PDE4A: variants seen among roughly 807,000 people sequenced by gnomAD.
PDE4A encodes 3',5'-cyclic-AMP phosphodiesterase 4A.
A neutral mutation model predicts 73.9 loss-of-function variants in PDE4A; 21 were observed. The observed-to-expected ratio is 0.28, with a 90% CI of 0.20 to 0.41. PDE4A has a LOEUF of 0.41. PDE4A is among the 10% of genes least tolerant of loss of function. The pLI is 1.00. For synonymous variants in PDE4A, 463 were observed against 505.4 expected (o/e 0.92, Z 1.13); for missense variants, 958 against 1,211.4 (o/e 0.79, Z 3.10).
upstream of PDE4A, chr19:10,419,126 C>T: frequency 1.1e-6 from 1 of 950,980 alleles, no homozygotes; most frequent in Non-Finnish European, 1.2e-6. Flanking sequence ...CAAACGGCAT[C>T]GCGTGCCCTG....
Position 10,446,234 on chromosome 19 carries a change from G to A in PDE4A, c.337G>A (p.Gly113Arg), listed in dbSNP as rs1188270633. 3.2e-6 allele frequency: 5 copies of A among 1,578,112 alleles called. No homozygotes were observed. The highest frequency in any genetic ancestry group is 1.2e-5 in the South Asian group (1 of 86,930). The change falls in exon 2 of 15, where the codon GGG (glycine) becomes AGG (arginine). Residue 113 changes from glycine (G) to arginine (R), a missense_variant. This residue lies in a region of PDE4A where 570 missense variants were observed against 827.7 expected (regional missense o/e 0.69). Coordinates refer to ENST00000380702, the MANE Select transcript of PDE4A (RefSeq NM_001111307.2). ...GSSRRFEAEN[G>R]PTPSPGRSPL... Reference sequence around the variant, plus strand: ...CCCCTGCAGCTTCGAGGCAGAGAATGGGCCGACACCATCTCCTGGCCGCAG... The same window carrying A: ...CCCCTGCAGCTTCGAGGCAGAGAATAGGCCGACACCATCTCCTGGCCGCAG...
chr19:10,451,023 A>G (rs1327178073), intron 6 of PDE4A, 82 bp downstream of exon 6: 13 of 1,352,960 alleles, frequency 9.6e-6, no homozygotes, highest in Admixed American at 6.0e-5. Flanking sequence ...GGATGGGACC[A>G]GTGGGCGCGG....
chr19:10,432,176 C>CGGGGGGGGGGGGGGGGG (rs568009200), intron 1 of PDE4A, among the ~76,000 whole-genome samples: 1 of 17,328 alleles, frequency 5.8e-5, no homozygotes, highest in African/African-American at 8.3e-5. Flanking sequence ...AGGGAGGAGA[C>CGGGGGGGGGGGGGGGGG]GGGGGGGGGG....
chr19:10,428,222 G>A (rs1413686808), intron 1 of PDE4A, among the ~76,000 whole-genome samples: 1 of 152,060 alleles, frequency 6.6e-6, no homozygotes, highest in African/African-American at 2.4e-5. Flanking sequence ...GCATGGTGGC[G>A]CACATGCTAC....
rs1599461747 is a variant in PDE4A, at chr19:10,464,861, C to T, written c.1926+886C>T. On this transcript the variant is annotated intron_variant, in intron 14 of 14. Coordinates refer to ENST00000380702, the MANE Select transcript of PDE4A (RefSeq NM_001111307.2). ...CCTCCAGAGTGGCTGGGACTATAGG[C>T]GTGCACCACCACACTCGGCTAATTT... Among the ~76,000 whole-genome samples the T allele has an allele frequency of 2.0e-5, 3 of 151,582 alleles. 1 individual carries two copies. Among genetic ancestry groups the T allele is most frequent in the Non-Finnish European group, 4.4e-5 (3 of 67,920 alleles).
rs769545330 is a variant in PDE4A, at chr19:10,461,636, A to G, written c.1576A>G (p.Ser526Gly). ...CAACTGCGACATCTTCCAGAACCTC[A>G]GCAAGCGCCAGCGGCAGAGCCTACG... is the stretch of plus-strand genomic sequence containing the variant. ...EDNCDIFQNL[S>G]KRQRQSLRKM... Residue 526 changes from serine to glycine, a missense_variant, in exon 12 of 15, where the codon AGC (serine) becomes GGC (glycine). Physicochemically the swap from Ser to Gly is moderately conservative, Grantham distance 56. Transcript: ENST00000380702. 1 of 1,506,026 alleles carries G rather than the reference A, an allele frequency of 6.6e-7. No individual in the cohort carries two copies. The highest frequency in any genetic ancestry group is 9.0e-7 in the Non-Finnish European group (1 of 1,114,038). The allele number at this position is 1,506,026 out of a possible 1,614,324, so 93.3% of individuals were successfully genotyped here. A position where few individuals can be genotyped will look rare whatever the true frequency, so the allele number is the denominator to read the frequency against.
intron 7 of PDE4A, among the ~76,000 whole-genome samples, chr19:10,455,269 C>T (rs2043152556): frequency 6.6e-6 from 1 of 152,086 alleles, no homozygotes; most frequent in Non-Finnish European, 1.5e-5. Context: ...TTGAGACCTG[C>T]CTGGCCAACA....
At chr19:10,439,982 C>CTTTTTTTTT (rs1162121051) in intron 1 of PDE4A, among the ~76,000 whole-genome samples, 3 of 114,022 alleles carry the variant, frequency 2.6e-5, no homozygotes, top group Non-Finnish European at 5.1e-5. Flanking sequence ...ATGGTATCTC[C>CTTTTTTTTT]TTTTTTTTTT....
In PDE4A at chr19:10,420,858, C is replaced by T. The variant is rs1461617167; in HGVS notation, c.94C>T (p.His32Tyr). ...GGCCACCCTGAAGCCTCCCCCGCAG[C>T]ACCTGTGGCGGCAGCCTCGGACCCC... is the stretch of plus-strand genomic sequence containing the variant. The part of the protein sequence containing the change: ...GQATLKPPPQ[H>Y]LWRQPRTPIR... The change falls in exon 1 of 15, where the codon CAC becomes TAC. Residue 32 changes from histidine (H) to tyrosine (Y), a missense_variant. His to Tyr is a moderately conservative substitution (Grantham distance 83, BLOSUM62 2). Transcript: ENST00000380702. This position sits in a 1 kb window ranked among gnomAD's most constrained non-coding sequence, Gnocchi z 6.0. The T allele has an allele frequency of 1.3e-6, 2 of 1,589,894 alleles. No individual in the cohort carries two copies. The highest frequency in any genetic ancestry group is 8.5e-7 in the Non-Finnish European group (1 of 1,176,106).
chr19:10,456,532 A>AT (rs1555733665), intron 7 of PDE4A, among the ~76,000 whole-genome samples: 2 of 148,954 alleles, frequency 1.3e-5, no homozygotes, highest in African/African-American at 2.5e-5. Flanking sequence ...TCTCAAAAAA[A>AT]AAATAAATAA....
intron 1 of PDE4A, among the ~76,000 whole-genome samples, chr19:10,439,506 C>T (rs1700591290): frequency 6.6e-6 from 1 of 152,032 alleles, no homozygotes; most frequent in Admixed American, 6.6e-5. Context: ...ATTGGGGTTA[C>T]AGTGGTTCTC....
intron 1 of PDE4A, chr19:10,432,666 C>A: frequency 1.6e-6 from 2 of 1,223,610 alleles, no homozygotes; most frequent in South Asian, 1.5e-5. Flanking sequence ...CTGGGTGAGT[C>A]CCCTAAGTGG....
intron 1 of PDE4A, among the ~76,000 whole-genome samples, chr19:10,434,889 C>CTTTTTT (rs377462932): frequency 6.5e-5 from 7 of 107,252 alleles, no homozygotes; most frequent in South Asian, 3.2e-4. Flanking sequence ...CTGTGCCCAG[C>CTTTTTT]TTTTTTTTTT....
intron 1 of PDE4A, among the ~76,000 whole-genome samples, chr19:10,440,176 G>T (rs1029042348): frequency 6.6e-6 from 1 of 151,718 alleles, no homozygotes; most frequent in Admixed American, 6.6e-5. Context: ...GTAGAGACAG[G>T]GTTTCGGTAT....
In PDE4A at chr19:10,449,097, G is replaced by GAGCGTC; in HGVS notation, c.568_573dup (p.Ser190_Val191dup). 6.2e-7 allele frequency: 1 copy of GAGCGTC among 1,613,676 alleles called. No homozygotes were observed. Among genetic ancestry groups the GAGCGTC allele is most frequent in the Non-Finnish European group, 8.5e-7 (1 of 1,179,820 alleles). ...CATCCCAGGTGCTGGCCAGCCTCCG[G>GAGCGTC]AGCGTCCGTAGCAACTTCTCACTCC... On this transcript the variant is annotated inframe_insertion, in exon 4 of 15. Coordinates refer to ENST00000380702, the MANE Select transcript of PDE4A (RefSeq NM_001111307.2).
intron 1 of PDE4A, among the ~76,000 whole-genome samples, chr19:10,428,357 C>CGAGAGAGAGAGAGAGA (rs56177515): frequency 7.3e-6 from 1 of 137,296 alleles, no homozygotes; most frequent in Non-Finnish European, 1.6e-5. Flanking sequence ...GATCCTGTCT[C>CGAGAGAGAGAGAGAGA]GAGAGAGAGA....
At chr19:10,430,628 C>A (rs942485426) in intron 1 of PDE4A, among the ~76,000 whole-genome samples, 2 of 151,868 alleles carry the variant, frequency 1.3e-5, no homozygotes, top group Non-Finnish European at 2.9e-5. Context: ...CCAACGCGGG[C>A]GGCTTTGGGG....
chr19:10,420,927 G>A lies in PDE4A; in HGVS notation c.163G>A (p.Ala55Thr), dbSNP rs752704951. 6.0e-5 allele frequency: 95 copies of A among 1,579,074 alleles called. No homozygotes were observed. Among genetic ancestry groups the A allele is most frequent in the Non-Finnish European group, 8.1e-5 (95 of 1,171,856 alleles). The change falls in exon 1 of 15, where the codon GCC becomes ACC. Residue 55 changes from alanine (A) to threonine (T), a missense_variant. By Grantham distance (58) the Ala-to-Thr change is moderately conservative. Coordinates refer to ENST00000380702, the MANE Select transcript of PDE4A (RefSeq NM_001111307.2). This position sits in a 1 kb window ranked among gnomAD's most constrained non-coding sequence, Gnocchi z 6.0. Reference sequence around the variant, plus strand: ...CGGCTACTCCGACAGCGCGGAGCGCGCCGAGCGGGAGCGGCAGCCGCACCG... The same window carrying A: ...CGGCTACTCCGACAGCGCGGAGCGCACCGAGCGGGAGCGGCAGCCGCACCG... The part of the protein sequence containing the change: ...QRGYSDSAER[A>T]ERERQPHRPI...
chr19:10,442,473 G>A (rs1298043671), intron 1 of PDE4A, among the ~76,000 whole-genome samples: 3 of 152,064 alleles, frequency 2.0e-5, no homozygotes, highest in Non-Finnish European at 2.9e-5. Context: ...GCAGTGAACC[G>A]AGATCGCGCC....
Sources: gnomAD v4.1 joint callset for allele counts (sites outside exome capture counted in the v4.1 genomes callset) on GRCh38, gnomAD v4.1.1 for gene constraint, gnomAD v4.1.1 regional missense constraint, Gnocchi (gnomAD v3.1) non-coding constraint, MANE v1.5 for transcripts, NCBI Gene and HGNC (gene_info 2026-07-23, HGNC 2026-07-21) for gene names.